MICALL1: variants seen among roughly 807,000 people sequenced by gnomAD.
MICALL1 encodes MICAL-like protein 1.
A neutral mutation model predicts 83.7 loss-of-function variants in MICALL1; 61 were observed. The ratio of observed to expected loss-of-function variants is 0.73; its 90% CI spans 0.59 to 0.90. The LOEUF is 0.90. MICALL1 is among the 40% of genes least tolerant of loss of function. The pLI is 0.00. For missense variants in MICALL1, 1,066 were observed against 1,152.0 expected (o/e 0.93, Z 1.08); for synonymous variants, 481 against 473.6 (o/e 1.02, Z -0.20).
intron 13 of MICALL1, among the ~76,000 whole-genome samples, chr22:37,935,415 C>T (rs956814105): frequency 6.6e-6 from 1 of 151,766 alleles, no homozygotes; most frequent in Non-Finnish European, 1.5e-5. Flanking sequence ...CGCCCGCCAC[C>T]ACACCCGGCT....
At position 37,940,914 on chromosome 22, in the gene MICALL1, C is replaced by G. The variant is rs558163291; in HGVS notation, c.*84C>G. The G allele has an allele frequency of 1.2e-5, 19 of 1,556,440 alleles. No individual in the cohort carries two copies. The African/African-American group carries it at 2.2e-4, about 18-fold the overall frequency. ...TGTTTGAAGGGGGCGCCCTGCTCCC[C>G]TCAGATCAGTCAGGAGGAAGATGAC... On this transcript the variant is annotated 3_prime_UTR_variant, in exon 16 of 16. Coordinates refer to ENST00000215957, the MANE Select transcript of MICALL1 (RefSeq NM_033386.4).
Position 37,932,015 on chromosome 22 carries a change from C to G in MICALL1, c.2016+82C>G. On this transcript the variant is annotated intron_variant, in intron 10 of 15. Transcript: ENST00000215957. The surrounding 1 kb of genome is among the most constrained non-coding windows in gnomAD (Gnocchi z 4.4). ...GCAGCTGCAGTCTTCCCCTGGGACT[C>G]TAAGGAGGCTGGCTGGCTAGGCAGT... The G allele has an allele frequency of 1.3e-6, 2 of 1,543,068 alleles. No individual in the cohort carries two copies. The highest frequency in any genetic ancestry group is 2.4e-5 in the South Asian group (2 of 82,688).
intron 8 of MICALL1, chr22:37,927,178 G>A: frequency 1.9e-6 from 1 of 517,174 alleles, no homozygotes; most frequent in Non-Finnish European, 3.4e-6. Context: ...GTGGGGAAGT[G>A]GAGGCAGCAG....
Position 37,932,067 on chromosome 22 carries a change from C to T in MICALL1, c.2016+134C>T. On this transcript the variant is annotated intron_variant, in intron 10 of 15. Coordinates refer to ENST00000215957, the MANE Select transcript of MICALL1 (RefSeq NM_033386.4). The surrounding 1 kb of genome is among the most constrained non-coding windows in gnomAD (Gnocchi z 4.4). ...GGCCTCAGATGCTCAAGAGAGCACT[C>T]TTGGCGGCCCAACTGGAAGGTCTAG... 2.3e-6 allele frequency: 3 copies of T among 1,318,308 alleles called. No homozygotes were observed. Among genetic ancestry groups the T allele is most frequent in the South Asian group, 2.9e-5 (2 of 67,826 alleles). 81.7% of individuals were successfully genotyped at this position (1,318,308 alleles called of 1,614,324 possible).
chr22:37,936,585 CT>C, intron 13 of MICALL1, among the ~76,000 whole-genome samples: 1 of 152,310 alleles, frequency 6.6e-6, no homozygotes, highest in East Asian at 1.9e-4. Flanking sequence ...TCACAACTTT[CT>C]TTTCCCTAAG....
At chr22:37,917,428 C>T (rs942086996) in intron 3 of MICALL1, among the ~76,000 whole-genome samples, 8 of 152,158 alleles carry the variant, frequency 5.3e-5, no homozygotes, top group East Asian at 3.9e-4. Flanking sequence ...GTTCTGTGAT[C>T]GTACTGTTGC....
At position 37,942,802 on chromosome 22, in the gene MICALL1, C is replaced by T. The variant is rs1474057704; in HGVS notation, c.*1972C>T. On this transcript the variant is annotated 3_prime_UTR_variant, in exon 16 of 16. Transcript: ENST00000215957. ...AGGCGTGAGCCACCACGCCCGGCCA[C>T]TAGCCTGAATTTCAATCAAGGGTTG... 6.6e-6 allele frequency: 1 copy of T among 152,282 alleles called. No homozygotes were observed. Among genetic ancestry groups the T allele is most frequent in the East Asian group, 1.9e-4 (1 of 5,158 alleles). The allele number at this position is 152,282 out of a possible 1,614,324, so 9.4% of individuals were successfully genotyped here.
At position 37,927,413 on chromosome 22, in the gene MICALL1, C is replaced by T; in HGVS notation, c.1468C>T (p.Leu490Phe). 1 of 1,578,474 alleles carries T rather than the reference C, an allele frequency of 6.3e-7. No individual in the cohort carries two copies. The highest frequency in any genetic ancestry group is 1.1e-5 in the South Asian group (1 of 89,494). Reference sequence around the variant, plus strand: ...TGTCCTGGTGCTCGTCCGCACAGCTCTCCACGCCTCCCGCCTCTCGCACTC... The same window carrying T: ...TGTCCTGGTGCTCGTCCGCACAGCTTTCCACGCCTCCCGCCTCTCGCACTC... ...PRAPSASPLA[L>F]HASRLSHSEP... is the part of the protein sequence containing the mutation. The change falls in exon 9 of 16, where the codon CTC becomes TTC. Residue 490 changes from leucine (L) to phenylalanine (F), a missense_variant and splice_region_variant. By Grantham distance (22) the Leu-to-Phe change is conservative (BLOSUM62 0). Coordinates refer to ENST00000215957, the MANE Select transcript of MICALL1 (RefSeq NM_033386.4).
intron 3 of MICALL1, among the ~76,000 whole-genome samples, chr22:37,914,077 C>G (rs1419899221): frequency 1.3e-5 from 2 of 151,566 alleles, no homozygotes; most frequent in Non-Finnish European, 2.9e-5. Context: ...GGTTTCGCCA[C>G]TTTGGCCAGG....
At position 37,934,309 on chromosome 22, in the gene MICALL1, G is replaced by A. The variant is rs141302033; in HGVS notation, c.2308+1197G>A. Among the ~76,000 whole-genome samples, 752 of 152,316 alleles carry A rather than the reference G, an allele frequency of 4.9e-3. 9 individuals are homozygous for A. The highest frequency in any genetic ancestry group is 0.02 in the Middle Eastern group (6 of 294). On this transcript the variant is annotated intron_variant, in intron 13 of 15. Transcript: ENST00000215957. ...ATCAGGCTGCCAGGTTCAAATACCA[G>A]CTCCACCTTCACTGTGTGACACTGG...
In MICALL1 at chr22:37,906,712, G is replaced by T. The variant is rs986865291; in HGVS notation, c.146+144G>T. ...GCCGACCCCCCCGACGGCCCCGGACGCCGGGCGGGTCCCTGAGACCCCGGC... is the reference window on the plus strand; with the variant it reads ...GCCGACCCCCCCGACGGCCCCGGACTCCGGGCGGGTCCCTGAGACCCCGGC... On this transcript the variant is annotated intron_variant, in intron 1 of 15. Coordinates refer to ENST00000215957, the MANE Select transcript of MICALL1 (RefSeq NM_033386.4). The surrounding 1 kb of genome is among the most constrained non-coding windows in gnomAD (Gnocchi z 4.4). The T allele has an allele frequency of 1.3e-5, 10 of 778,842 alleles. No homozygotes were observed. Among genetic ancestry groups the T allele is most frequent in the Non-Finnish European group, 1.5e-5 (9 of 611,766 alleles). The allele number at this position is 778,842 out of a possible 1,614,324, so 48.2% of individuals were successfully genotyped here. A position where few individuals can be genotyped will look rare whatever the true frequency, so the allele number is the denominator to read the frequency against.
intron 5 of MICALL1, among the ~76,000 whole-genome samples, chr22:37,919,810 G>C (rs1486469945): frequency 6.6e-6 from 1 of 151,960 alleles, no homozygotes; most frequent in East Asian, 1.9e-4. Flanking sequence ...TCAACGTGGT[G>C]AAACCTCATC....
At chr22:37,920,622 T>TA (rs879301264) in intron 5 of MICALL1, among the ~76,000 whole-genome samples, 1,751 of 139,320 alleles carry the variant, frequency 0.013, 37 homozygotes, top group African/African-American at 0.04. Context: ...ACAAAAAAAT[T>TA]AAAAAAAAAA....
At position 37,932,551 on chromosome 22, in the gene MICALL1, A is replaced by G; in HGVS notation, c.2017-2A>G. ...GTCAGGTGACCAGGCACTGTTGGGC[A>G]GGTCCAGGCTGACCAGTACATCCCT... On this transcript the variant is annotated splice_acceptor_variant, in intron 10 of 15. Transcript: ENST00000215957. LOFTEE classifies it high-confidence loss of function. The surrounding 1 kb of genome is among the most constrained non-coding windows in gnomAD (Gnocchi z 4.4). 1 of 1,613,918 alleles carries G rather than the reference A, an allele frequency of 6.2e-7. No individual in the cohort carries two copies.
At chr22:37,914,795 C>T (rs931188943) in intron 3 of MICALL1, among the ~76,000 whole-genome samples, 7 of 151,304 alleles carry the variant, frequency 4.6e-5, no homozygotes, top group African/African-American at 1.7e-4. Flanking sequence ...GTGCATGCAA[C>T]CACACCCAGC....
chr22:37,933,187 G>A (rs1569148438), intron 13 of MICALL1, 75 bp downstream of exon 13: 2 of 1,477,060 alleles, frequency 1.4e-6, no homozygotes, highest in Non-Finnish European at 1.9e-6. Context: ...GGAGCGGGCA[G>A]ACAAAACCCC....
rs898909853 is a variant in MICALL1, at chr22:37,930,045, C to G, written c.1882-1754C>G. Among the ~76,000 whole-genome samples the G allele has an allele frequency of 3.3e-5, 5 of 152,192 alleles. No individual in the cohort carries two copies. Among genetic ancestry groups the G allele is most frequent in the Admixed American group, 6.5e-5 (1 of 15,282 alleles). On this transcript the variant is annotated intron_variant, in intron 9 of 15. Coordinates refer to ENST00000215957, the MANE Select transcript of MICALL1 (RefSeq NM_033386.4). The surrounding 1 kb of genome is among the most constrained non-coding windows in gnomAD (Gnocchi z 4.8). ...GGCGGCACCAAGTGTCCTGAGTGCT[C>G]GAAAGACCCCCTGGTTCCTTGGTGG...
In MICALL1 at chr22:37,906,624, G is replaced by T; in HGVS notation, c.146+56G>T. 8.8e-7 allele frequency: 1 copy of T among 1,137,710 alleles called. No individual in the cohort carries two copies. Among genetic ancestry groups the T allele is most frequent in the Middle Eastern group, 3.7e-4 (1 of 2,720 alleles). 70.5% of individuals were successfully genotyped at this position (1,137,710 alleles called of 1,614,324 possible). The stretch of plus-strand genomic sequence containing the variant: ...CGCGGGGCGGGCTGGGGCCGCGACC[G>T]CCGCCCCCCCTCAGTAACACGAAGC... On this transcript the variant is annotated intron_variant, in intron 1 of 15. Coordinates refer to ENST00000215957, the MANE Select transcript of MICALL1 (RefSeq NM_033386.4). The surrounding 1 kb of genome is among the most constrained non-coding windows in gnomAD (Gnocchi z 4.4).
At chr22:37,912,673 CTT>C (rs939056896) in intron 3 of MICALL1, among the ~76,000 whole-genome samples, 181 bp downstream of exon 3, 1 of 145,732 alleles carries the variant, frequency 6.9e-6, no homozygotes, top group Admixed American at 6.9e-5. Flanking sequence ...GAGTTTCGCT[CTT>C]TTTTTTTTTG....
Sources: gnomAD v4.1 joint callset for allele counts (sites outside exome capture counted in the v4.1 genomes callset) on GRCh38, gnomAD v4.1.1 for gene constraint, Gnocchi (gnomAD v3.1) non-coding constraint, MANE v1.5 for transcripts, NCBI Gene and HGNC (gene_info 2026-07-23, HGNC 2026-07-21) for gene names.